CADPS2: variants seen among roughly 807,000 people sequenced by gnomAD.
CADPS2 encodes calcium-dependent secretion activator 2.
CADPS2 carries 93 observed loss-of-function variants against 172.5 expected under a neutral mutation model. The ratio of observed to expected loss-of-function variants is 0.54; its 90% CI spans 0.46 to 0.64. The LOEUF (loss-of-function observed/expected upper bound fraction) is 0.64, where lower values mean the gene tolerates loss of function less well. Ranked by LOEUF, CADPS2 falls within the 30% of genes least tolerant of loss-of-function variation. CADPS2 has a pLI of 0.00. For synonymous variants in CADPS2, 546 were observed against 555.2 expected, an observed-to-expected ratio of 0.98 and a Z score of 0.23; for missense variants, 1,420 against 1,565.9, an observed-to-expected ratio of 0.91 and a Z score of 1.57.
chr7:122,688,727 A>G (rs1487614800), intron 2 of CADPS2, among the ~76,000 whole-genome samples: 1 of 151,808 alleles, frequency 6.6e-6, no homozygotes, highest in African/African-American at 2.4e-5. Flanking sequence ...TTAGAGCCAA[A>G]TGATGAGCCT....
At chr7:122,876,368 AT>A (rs1334702265) in intron 1 of CADPS2, among the ~76,000 whole-genome samples, 1 of 152,062 alleles carries the variant, frequency 6.6e-6, no homozygotes, top group African/African-American at 2.4e-5. Context: ...TTTTATATTT[AT>A]TTTTTCTTTT....
At chr7:122,402,470 A>G (rs1463253538) in intron 20 of CADPS2, among the ~76,000 whole-genome samples, 1 of 152,208 alleles carries the variant, frequency 6.6e-6, no homozygotes, top group Non-Finnish European at 1.5e-5. Context: ...GTTTTGTTTA[A>G]GATCCCTTCC....
At chr7:122,641,182 A>G (rs1237712453) in intron 3 of CADPS2, among the ~76,000 whole-genome samples, 3 of 152,114 alleles carry the variant, frequency 2.0e-5, no homozygotes, top group Non-Finnish European at 4.4e-5. Flanking sequence ...AACATTTTAC[A>G]GGTCTTTTTA....
At chr7:122,520,418 T>C (rs2060696048) in intron 8 of CADPS2, among the ~76,000 whole-genome samples, 1 of 151,986 alleles carries the variant, frequency 6.6e-6, no homozygotes, top group Non-Finnish European at 1.5e-5. Flanking sequence ...GAAGTAAGTT[T>C]AACCATTAAG....
intron 2 of CADPS2, among the ~76,000 whole-genome samples, chr7:122,714,787 C>T (rs988564729): frequency 6.6e-6 from 1 of 152,108 alleles, no homozygotes; most frequent in Non-Finnish European, 1.5e-5. Context: ...ATAATAGAAA[C>T]TTACAGTAAT....
chr7:122,607,120 T>C (rs2073674744), intron 6 of CADPS2, among the ~76,000 whole-genome samples: 1 of 152,234 alleles, frequency 6.6e-6, no homozygotes, highest in Admixed American at 6.5e-5. Context: ...GTAGACAGAT[T>C]AGACGATCAG....
intron 12 of CADPS2, among the ~76,000 whole-genome samples, chr7:122,478,621 T>C (rs557356442): frequency 6.6e-6 from 1 of 152,274 alleles, no homozygotes; most frequent in African/African-American, 2.4e-5. Flanking sequence ...TAATAGCTGT[T>C]GGAAGTTAAG....
At chr7:122,720,579 CATGTATATGTATATACATACAT>C (rs1478906054) in intron 2 of CADPS2, among the ~76,000 whole-genome samples, 147 of 149,946 alleles carry the variant, frequency 9.8e-4, no homozygotes, top group African/African-American at 3.2e-3. Context: ...TATACATACA[CATGTATATGTATATACATACAT>C]ATATACGTAT....
chr7:122,855,357 T>C (rs1814894397), intron 1 of CADPS2, among the ~76,000 whole-genome samples: 1 of 152,192 alleles, frequency 6.6e-6, no homozygotes, highest in African/African-American at 2.4e-5. Context: ...TACAATAAGG[T>C]ACATACAGAG....
chr7:122,658,203 C>T (rs950467628), intron 3 of CADPS2, among the ~76,000 whole-genome samples: 9 of 152,222 alleles, frequency 5.9e-5, no homozygotes, highest in Admixed American at 2.0e-4. Flanking sequence ...CCATCTCACA[C>T]CAGTTAGAAT....
chr7:122,861,557 T>C (rs1816945552), intron 1 of CADPS2, among the ~76,000 whole-genome samples: 1 of 152,256 alleles, frequency 6.6e-6, no homozygotes, highest in Non-Finnish European at 1.5e-5. Context: ...TTCTCTTCAC[T>C]CTGTTGTTTC....
intron 1 of CADPS2, among the ~76,000 whole-genome samples, chr7:122,880,735 A>C (rs1465197101): frequency 8.5e-5 from 13 of 152,206 alleles, no homozygotes; most frequent in African/African-American, 3.1e-4. Flanking sequence ...TAAGATAAGA[A>C]TCGCACTTCT....
chr7:122,848,618 A>G (rs1343223006), intron 1 of CADPS2, among the ~76,000 whole-genome samples: 4 of 152,360 alleles, frequency 2.6e-5, no homozygotes, highest in Middle Eastern at 3.4e-3. Flanking sequence ...AACATATGCC[A>G]CAGCCTCAAA....
At chr7:122,683,935 T>C (rs2083349321) in intron 2 of CADPS2, among the ~76,000 whole-genome samples, 1 of 152,070 alleles carries the variant, frequency 6.6e-6, no homozygotes, top group Non-Finnish European at 1.5e-5. Flanking sequence ...GAGCGTGCCC[T>C]GTGATGAGAT....
Position 122,468,597 on chromosome 7 carries a change from T to C in CADPS2, c.2186+2778A>G, listed in dbSNP as rs201755681. 2.6e-4 allele frequency among the ~76,000 whole-genome samples: 40 copies of C among 152,336 alleles called. 1 individual carries two copies. In the East Asian group the frequency reaches 5.6e-3, roughly 21 times the overall value. On this transcript the variant is annotated intron_variant, in intron 14 of 29. Transcript: ENST00000449022. Reference sequence around the variant, plus strand: ...TAGTAAGAGTAATCAATACTGATAGTATTTTATAATGATGTAGTACCTTCA... The same window carrying C: ...TAGTAAGAGTAATCAATACTGATAGCATTTTATAATGATGTAGTACCTTCA...
At chr7:122,542,328 T>C (rs2063186237) in intron 8 of CADPS2, among the ~76,000 whole-genome samples, 1 of 152,134 alleles carries the variant, frequency 6.6e-6, no homozygotes, top group South Asian at 2.1e-4. Flanking sequence ...AACATTTCAT[T>C]ATTCATATAT....
At chr7:122,745,804 T>G (rs913210958) in intron 1 of CADPS2, among the ~76,000 whole-genome samples, 5 of 152,078 alleles carry the variant, frequency 3.3e-5, no homozygotes, top group Non-Finnish European at 7.4e-5. Context: ...AGTCGGTTTA[T>G]CATGCAATAA....
chr7:122,477,307 G>A (rs1272425592), intron 12 of CADPS2, among the ~76,000 whole-genome samples: 1 of 152,080 alleles, frequency 6.6e-6, no homozygotes, highest in Non-Finnish European at 1.5e-5. Context: ...GGGGCCAGGA[G>A]TTCGAGACCA....
intron 1 of CADPS2, among the ~76,000 whole-genome samples, chr7:122,860,706 C>T (rs986301367): frequency 6.6e-6 from 1 of 152,036 alleles, no homozygotes; most frequent in Non-Finnish European, 1.5e-5. Context: ...TAATTTTATA[C>T]CTGCTGACCA....
Sources: allele counts gnomAD v4.1 joint callset (sites outside exome capture counted in the v4.1 genomes callset), GRCh38; gene constraint gnomAD v4.1.1; transcripts MANE v1.5; gene names NCBI Gene and HGNC (gene_info 2026-07-23, HGNC 2026-07-21).